Variants in DIPK1A observed in about 807,000 individuals in gnomAD.
DIPK1A encodes family with sequence similarity 69 member A.
A neutral mutation model predicts 40.8 loss-of-function variants in DIPK1A; 27 were observed. The ratio of observed to expected loss-of-function variants is 0.66; its 90% CI spans 0.49 to 0.91. The LOEUF is 0.91. Among genes scored for constraint, DIPK1A ranks in the 40% least tolerant of loss-of-function variants. DIPK1A has a pLI of 0.00. For missense variants in DIPK1A, 412 were observed against 505.7 expected (o/e 0.81, Z 1.78); for synonymous variants, 166 against 171.3 (o/e 0.97, Z 0.24).
chr1:92,882,521 T>G (rs1456712378), intron 1 of DIPK1A, among the ~76,000 whole-genome samples: 2 of 152,246 alleles, frequency 1.3e-5, no homozygotes, highest in East Asian at 3.8e-4. Context: ...ACTGATCATG[T>G]AACCCTATAA....
chr1:92,852,562 T>C (rs1236128375), intron 2 of DIPK1A, among the ~76,000 whole-genome samples: 2 of 152,104 alleles, frequency 1.3e-5, no homozygotes, highest in South Asian at 4.1e-4. Flanking sequence ...CATATTGTTA[T>C]GAATTTAAAG....
intron 1 of DIPK1A, among the ~76,000 whole-genome samples, chr1:92,881,676 C>T (rs1477747762): frequency 1.3e-5 from 2 of 152,038 alleles, no homozygotes; most frequent in Non-Finnish European, 2.9e-5. Flanking sequence ...AAAGCAATAG[C>T]TCGTGATATA....
chr1:92,930,076 T>C (rs1254490850), intron 1 of DIPK1A, among the ~76,000 whole-genome samples: 3 of 152,156 alleles, frequency 2.0e-5, no homozygotes, highest in African/African-American at 7.2e-5. Flanking sequence ...CTGGTCATCT[T>C]CTCCCTCTAG....
intron 1 of DIPK1A, among the ~76,000 whole-genome samples, chr1:92,883,493 T>C (rs1015514257): frequency 6.6e-6 from 1 of 152,232 alleles, no homozygotes; most frequent in East Asian, 1.9e-4. Context: ...ATGACTAAGC[T>C]AAGCTCTTTA....
At chr1:92,924,533 C>T (rs2100859779) in intron 1 of DIPK1A, among the ~76,000 whole-genome samples, 1 of 152,210 alleles carries the variant, frequency 6.6e-6, no homozygotes, top group East Asian at 1.9e-4. Flanking sequence ...AAGAAGGAGT[C>T]AGGGGGCACC....
At chr1:92,913,655 C>T (rs1649931506) in intron 1 of DIPK1A, among the ~76,000 whole-genome samples, 1 of 152,162 alleles carries the variant, frequency 6.6e-6, no homozygotes, top group Non-Finnish European at 1.5e-5. Flanking sequence ...ACACAGAGGG[C>T]AGCAGTAAGT....
intron 4 of DIPK1A, chr1:92,836,484 C>G: frequency 4.2e-6 from 5 of 1,192,682 alleles, no homozygotes; most frequent in Admixed American, 1.8e-5. Flanking sequence ...ATTAAAGTAG[C>G]TATCAATTGA....
intron 1 of DIPK1A, among the ~76,000 whole-genome samples, chr1:92,939,467 A>G (rs1180542367): frequency 6.6e-6 from 1 of 152,212 alleles, no homozygotes; most frequent in Non-Finnish European, 1.5e-5. Context: ...ATTTTTAAAA[A>G]TTAACCAAAA....
rs370116454 is a variant in DIPK1A, at chr1:92,915,108, G to GAC, written c.55-38680_55-38679dup. ...CAAAAAAAAAAAAAAAAAAAAAAAG[G>GAC]ACACACACACACACCCTCCTGTACT... On this transcript the variant is annotated intron_variant, in intron 1 of 4. Transcript: ENST00000370310. Among the ~76,000 whole-genome samples, 538 of 136,516 alleles carry GAC rather than the reference G, an allele frequency of 3.9e-3. 4 individuals are homozygous for GAC. The highest frequency in any genetic ancestry group is 0.014 in the African/African-American group (481 of 35,472). 89.6% of individuals were successfully genotyped at this position (136,516 alleles called of 152,430 possible).
intron 2 of DIPK1A, among the ~76,000 whole-genome samples, chr1:92,863,234 G>A (rs758116023): frequency 3.3e-5 from 5 of 152,194 alleles, no homozygotes; most frequent in African/African-American, 7.2e-5. Context: ...AGTGCAGTAA[G>A]CAGACAATAA....
intron 1 of DIPK1A, among the ~76,000 whole-genome samples, chr1:92,927,706 T>C (rs1311277255): frequency 2.0e-5 from 3 of 152,206 alleles, no homozygotes; most frequent in African/African-American, 7.2e-5. Flanking sequence ...GTAAATGATA[T>C]AATACAATAT....
chr1:92,883,015 C>T (rs182594003), intron 1 of DIPK1A, among the ~76,000 whole-genome samples: 1 of 152,354 alleles, frequency 6.6e-6, no homozygotes, highest in Admixed American at 6.5e-5. Context: ...GTGTCACAGA[C>T]ATGCCCTGGG....
chr1:92,850,479 G>C (rs532170650), intron 3 of DIPK1A, among the ~76,000 whole-genome samples: 2 of 152,074 alleles, frequency 1.3e-5, no homozygotes, highest in Non-Finnish European at 2.9e-5. Context: ...TCAGGAGTTC[G>C]AGACCAGCCT....
At chr1:92,914,092 A>G (rs866555636) in intron 1 of DIPK1A, among the ~76,000 whole-genome samples, 3 of 151,830 alleles carry the variant, frequency 2.0e-5, no homozygotes, top group East Asian at 1.9e-4. Context: ...CTGACATCCA[A>G]TTTGGGACAG....
intron 2 of DIPK1A, among the ~76,000 whole-genome samples, chr1:92,871,083 T>C (rs183777827): frequency 1.1e-4 from 16 of 152,342 alleles, no homozygotes; most frequent in Admixed American, 6.5e-4. Context: ...TTTCATCTTA[T>C]GTATTTATTT....
intron 1 of DIPK1A, among the ~76,000 whole-genome samples, chr1:92,894,719 G>T (rs564295964): frequency 6.6e-6 from 1 of 152,058 alleles, no homozygotes; most frequent in African/African-American, 2.4e-5. Flanking sequence ...CCAGGAGCTG[G>T]TTTTTTGAAA....
intron 3 of DIPK1A, among the ~76,000 whole-genome samples, chr1:92,850,235 G>A (rs920382614): frequency 6.6e-6 from 1 of 152,138 alleles, no homozygotes; most frequent in Non-Finnish European, 1.5e-5. Context: ...CTCCCAAAGT[G>A]TTGGGATTAC....
At chr1:92,876,192 T>C in intron 2 of DIPK1A, 104 bp downstream of exon 2, 1 of 744,256 alleles carries the variant, frequency 1.3e-6, no homozygotes, top group East Asian at 3.3e-5. Context: ...AATTCTAATG[T>C]CAAATTAACT....
At chr1:92,947,098 T>C (rs181330091) in intron 1 of DIPK1A, among the ~76,000 whole-genome samples, 16 of 152,262 alleles carry the variant, frequency 1.1e-4, no homozygotes, top group African/African-American at 3.6e-4. Flanking sequence ...TATGTAAAAC[T>C]ACGACTATAC....
Sources: gnomAD v4.1 joint callset for allele counts (sites outside exome capture counted in the v4.1 genomes callset) on GRCh38, gnomAD v4.1.1 for gene constraint, MANE v1.5 for transcripts, NCBI Gene and HGNC (gene_info 2026-07-23, HGNC 2026-07-21) for gene names.